Variants in GLRA2 observed in about 807,000 individuals in gnomAD.
GLRA2 encodes the protein glycine receptor subunit alpha-2.
GLRA2 carries 11 observed loss-of-function variants against 31.6 expected under a neutral mutation model. The ratio of observed to expected loss-of-function variants is 0.35; its 90% CI spans 0.22 to 0.58. The LOEUF (loss-of-function observed/expected upper bound fraction) is 0.58, where lower values mean the gene tolerates loss of function less well. Ranked by LOEUF, GLRA2 falls within the 20% of genes least tolerant of loss-of-function variation. The probability of loss-of-function intolerance (pLI) is 0.84; values close to 1 mark genes in which losing one functional copy is unlikely to be tolerated. For synonymous variants in GLRA2, 132 were observed against 134.0 expected (o/e 0.99, Z 0.10); for missense variants, 212 against 351.8 (o/e 0.60, Z 3.18).
chrX:14,533,208 T>C (rs1298469355), intron 2 of GLRA2, among the ~76,000 whole-genome samples: 3 of 110,519 alleles, frequency 2.7e-5, no homozygotes, highest in Non-Finnish European at 5.7e-5. Context: ...CATAATGCAT[T>C]GTGAAGTGTT....
chrX:14,488,275 G>A, the GLRA2 span, among the ~76,000 whole-genome samples: 1 of 112,084 alleles, frequency 8.9e-6, no homozygotes, highest in Non-Finnish European at 1.9e-5. Flanking sequence ...TAAAATTTAG[G>A]TGATACTTTA....
chrX:14,531,113 C>T (rs1329405450), intron 1 of GLRA2: 85 of 921,917 alleles, frequency 9.2e-5, no homozygotes, highest in Non-Finnish European at 1.2e-4. Context: ...TCATCATCAT[C>T]CTCACCACCA....
At chrX:14,656,835 TA>T (rs2090946146) in intron 7 of GLRA2, among the ~76,000 whole-genome samples, 1 of 111,967 alleles carries the variant, frequency 8.9e-6, no homozygotes, top group Admixed American at 9.5e-5. Context: ...TAGGTAGTAA[TA>T]AGTGCTAAGA....
chrX:14,551,237 G>T (rs772229626), intron 2 of GLRA2, among the ~76,000 whole-genome samples: 11 of 111,678 alleles, frequency 9.8e-5, no homozygotes, highest in Non-Finnish European at 1.5e-4. Context: ...TTAAAGATTT[G>T]TGTTGTTATA....
Position 14,709,567 on chromosome X carries a change from A to G in GLRA2, c.1080+18708A>G, listed in dbSNP as rs1047144033. Among the ~76,000 whole-genome samples, 4 of 112,418 alleles carry G rather than the reference A, an allele frequency of 3.6e-5. No homozygotes were observed. In the South Asian group the frequency reaches 1.1e-3, roughly 31 times the overall value. On this transcript the variant is annotated intron_variant, in intron 8 of 8. Coordinates refer to ENST00000218075, the MANE Select transcript of GLRA2 (RefSeq NM_002063.4). ...CATAATTTTCCATTTTTTTCCAGCA[A>G]GAGTTGCGTATAAGAAGCTATAAGC...
intron 3 of GLRA2, among the ~76,000 whole-genome samples, chrX:14,579,730 A>G (rs1831290260): frequency 9.0e-6 from 1 of 111,366 alleles, no homozygotes; most frequent in Non-Finnish European, 1.9e-5. Flanking sequence ...ACTGCCCCCT[A>G]TAACTTCAAA....
chrX:14,671,023 T>C (rs2091087211), intron 7 of GLRA2, among the ~76,000 whole-genome samples: 2 of 111,972 alleles, frequency 1.8e-5, no homozygotes, highest in South Asian at 7.4e-4. Flanking sequence ...ATTATTCTAA[T>C]TTTATAAATT....
chrX:14,478,535 A>G, the GLRA2 span, among the ~76,000 whole-genome samples: 1 of 111,970 alleles, frequency 8.9e-6, no homozygotes, highest in Non-Finnish European at 1.9e-5. Flanking sequence ...ATTTTTATCT[A>G]CCAAAATGTT....
intron 7 of GLRA2, among the ~76,000 whole-genome samples, chrX:14,610,608 T>A (rs1433790193): frequency 1.8e-5 from 2 of 111,958 alleles, no homozygotes; most frequent in Non-Finnish European, 3.8e-5. Context: ...TTCATTTGCT[T>A]ATTTATTATT....
At chrX:14,451,216 C>A in the GLRA2 span, among the ~76,000 whole-genome samples, 1 of 111,554 alleles carries the variant, frequency 9.0e-6, no homozygotes, top group Admixed American at 9.6e-5. Context: ...CCCACAGACC[C>A]TATAAAACAA....
intron 2 of GLRA2, among the ~76,000 whole-genome samples, chrX:14,545,563 G>A (rs906012091): frequency 8.9e-6 from 1 of 111,806 alleles, no homozygotes; most frequent in Non-Finnish European, 1.9e-5. Flanking sequence ...TCTTTTGATT[G>A]AGGTTGGCAG....
intron 8 of GLRA2, among the ~76,000 whole-genome samples, chrX:14,727,691 T>G (rs1014853787): frequency 8.9e-6 from 1 of 112,723 alleles, no homozygotes; most frequent in African/African-American, 3.2e-5. Flanking sequence ...ATTCATATTT[T>G]TAAGGCAAAG....
the GLRA2 span, among the ~76,000 whole-genome samples, chrX:14,499,245 C>T: frequency 9.0e-6 from 1 of 111,551 alleles, no homozygotes. Context: ...CAAGTGTTTC[C>T]CTTTGTCCAC....
chrX:14,640,838 C>T (rs1373369442), intron 7 of GLRA2, among the ~76,000 whole-genome samples: 8 of 110,826 alleles, frequency 7.2e-5, no homozygotes, highest in Non-Finnish European at 1.3e-4. Context: ...TTGGTACATA[C>T]TTTTGATGGA....
At chrX:14,678,981 T>C (rs1230456182) in intron 7 of GLRA2, among the ~76,000 whole-genome samples, 2 of 110,916 alleles carry the variant, frequency 1.8e-5, no homozygotes, top group Non-Finnish European at 3.8e-5. Context: ...GGTCCTAACA[T>C]GTGTAACTTC....
chrX:14,722,478 A>G (rs922862479), intron 8 of GLRA2, among the ~76,000 whole-genome samples: 10 of 111,425 alleles, frequency 9.0e-5, no homozygotes, highest in African/African-American at 3.3e-4. Flanking sequence ...CACTTCCACC[A>G]AATTCTGTTG....
rs774948045 is a variant in GLRA2 at position 14,549,479 on chromosome X, C to T, written c.202+17107C>T. Among the ~76,000 whole-genome samples, 14 of 111,464 alleles carry T rather than the reference C, an allele frequency of 1.3e-4. No individual in the cohort carries two copies. In the South Asian group the frequency reaches 4.9e-3, roughly 39 times the overall value. On this transcript the variant is annotated intron_variant, in intron 2 of 8. Coordinates refer to ENST00000218075, the MANE Select transcript of GLRA2 (RefSeq NM_002063.4). Reference sequence around the variant, plus strand: ...ACGAAAAAGGTAAGGGACCAGGGTTCCAGGACAATCATCCACAAAAGAGAG... The same window carrying T: ...ACGAAAAAGGTAAGGGACCAGGGTTTCAGGACAATCATCCACAAAAGAGAG...
chrX:14,690,683 G>C, intron 7 of GLRA2, 27 bp from the exon 8 acceptor site: 1 of 1,004,580 alleles, frequency 1.0e-6, no homozygotes, highest in Non-Finnish European at 1.4e-6. Flanking sequence ...CTCTCTGTGT[G>C]TGTGTGTGTC....
intron 6 of GLRA2, among the ~76,000 whole-genome samples, chrX:14,608,531 A>G (rs1041625083): frequency 9.0e-6 from 1 of 111,144 alleles, no homozygotes; most frequent in African/African-American, 3.3e-5. Flanking sequence ...TTCAACTATT[A>G]CACAGTGTAT....
Sources: allele counts gnomAD v4.1 joint callset (sites outside exome capture counted in the v4.1 genomes callset), GRCh38; gene constraint gnomAD v4.1.1; transcripts MANE v1.5; gene names NCBI Gene and HGNC (gene_info 2026-07-23, HGNC 2026-07-21).